CREBZF: variants seen among roughly 807,000 people sequenced by gnomAD.
The protein encoded by CREBZF is HCF-binding transcription factor Zhangfei.
In CREBZF, 8 loss-of-function variants were observed where a neutral mutation model predicts 21.1. The ratio of observed to expected loss-of-function variants is 0.38; its 90% CI spans 0.22 to 0.68. The LOEUF (loss-of-function observed/expected upper bound fraction) is 0.68. Among genes scored for constraint, CREBZF ranks in the 30% least tolerant of loss-of-function variants. The pLI, the probability that CREBZF is intolerant of heterozygous loss-of-function variation, is 0.51. For synonymous variants in CREBZF, 270 were observed against 223.3 expected, an observed-to-expected ratio of 1.21 and a Z score of -1.86; for missense variants, 518 against 484.3, an observed-to-expected ratio of 1.07 and a Z score of -0.65.
intron 1 of CREBZF, among the ~76,000 whole-genome samples, chr11:85,680,903 A>G (rs2082972551): frequency 6.6e-6 from 1 of 152,198 alleles, no homozygotes; most frequent in Admixed American, 6.5e-5. Context: ...TCCAATATCC[A>G]TCCTCCATCA....
intron 1 of CREBZF, among the ~76,000 whole-genome samples, chr11:85,677,908 G>T (rs1295893166): frequency 6.6e-6 from 1 of 152,122 alleles, no homozygotes; most frequent in African/African-American, 2.4e-5. Flanking sequence ...CTTTTATCTG[G>T]AATTATTCTG....
chr11:85,658,860 C>T lies in CREBZF; in HGVS notation c.*4951G>A, dbSNP rs189389620. Among the ~76,000 whole-genome samples the T allele has an allele frequency of 4.0e-4, 61 of 152,074 alleles. No homozygotes were observed. Among genetic ancestry groups the T allele is most frequent in the Admixed American group, 5.9e-4 (9 of 15,272 alleles). ...AACAGAACTACACAAATGTTTACAACACAGTAACTACACTTTTCAATTAGT... is the reference window on the plus strand; with the variant it reads ...AACAGAACTACACAAATGTTTACAATACAGTAACTACACTTTTCAATTAGT... On this transcript the variant is annotated 3_prime_UTR_variant, in exon 1 of 1. Transcript: ENST00000527447.
upstream of CREBZF, among the ~76,000 whole-genome samples, chr11:85,669,436 A>T (rs1591488423): frequency 6.7e-6 from 1 of 150,104 alleles, no homozygotes; most frequent in Admixed American, 6.6e-5. Flanking sequence ...ACACACACAC[A>T]CACTCACACA....
chr11:85,666,868 C>A (rs1268514480), upstream of CREBZF, among the ~76,000 whole-genome samples: 1 of 152,080 alleles, frequency 6.6e-6, no homozygotes, highest in African/African-American at 2.4e-5. Flanking sequence ...ACTCCTTGTC[C>A]TGCTTAACAT....
At chr11:85,681,346 T>C (rs2082975691) in intron 1 of CREBZF, among the ~76,000 whole-genome samples, 1 of 152,208 alleles carries the variant, frequency 6.6e-6, no homozygotes, top group South Asian at 2.1e-4. Flanking sequence ...CTTTAAATAA[T>C]TATTTAATAT....
chr11:85,681,733 C>T (rs1053852326), intron 1 of CREBZF, among the ~76,000 whole-genome samples: 1 of 152,176 alleles, frequency 6.6e-6, no homozygotes, highest in Non-Finnish European at 1.5e-5. Context: ...GTTTAAATTT[C>T]CCCTCAAAGG....
In CREBZF at chr11:85,664,780, G is replaced by A. The variant is rs61746267; in HGVS notation, c.96C>T (p.Pro32=). 7.6e-3 allele frequency: 12,026 copies of A among 1,589,908 alleles called. 66 individuals carry two copies. The highest frequency in any genetic ancestry group is 8.9e-3 in the Non-Finnish European group (10,456 of 1,172,020). ...SPEPAATCSL[P]SDLTRAAAGE... Reference sequence around the variant, plus strand: ...CCGCTGCAGCCCGGGTCAGGTCAGAGGGCAGCGAACAAGTTGCAGCCGGCT... The same window carrying A: ...CCGCTGCAGCCCGGGTCAGGTCAGAAGGCAGCGAACAAGTTGCAGCCGGCT... The change falls in exon 1 of 1, where the codon CCC becomes CCT. Residue 32 remains proline (P), a synonymous_variant. Coordinates refer to ENST00000527447, the MANE Select transcript of CREBZF (RefSeq NM_001039618.4). This position sits in a 1 kb window ranked among gnomAD's most constrained non-coding sequence, Gnocchi z 5.5.
chr11:85,658,679 T>C lies in CREBZF; in HGVS notation c.*5132A>G, dbSNP rs948890140. 6.6e-6 allele frequency among the ~76,000 whole-genome samples: 1 copy of C among 151,886 alleles called. No individual in the cohort carries two copies. Among genetic ancestry groups the C allele is most frequent in the Admixed American group, 6.6e-5 (1 of 15,256 alleles). On this transcript the variant is annotated 3_prime_UTR_variant, in exon 1 of 1. Transcript: ENST00000527447. ...AAAAAAAAGAGGGCTCACATTCTAT[T>C]TAAATTAAGACAATATATTTTATAA...
chr11:85,673,912 A>G (rs2082927997), intron 1 of CREBZF, among the ~76,000 whole-genome samples: 1 of 152,244 alleles, frequency 6.6e-6, no homozygotes, highest in Non-Finnish European at 1.5e-5. Flanking sequence ...TATCCATAAG[A>G]AGAAATTCCT....
intron 1 of CREBZF, among the ~76,000 whole-genome samples, chr11:85,672,903 C>A (rs1489729343): frequency 6.6e-6 from 1 of 152,158 alleles, no homozygotes; most frequent in African/African-American, 2.4e-5. Context: ...GGGCTGGCTA[C>A]CACATCCTAT....
chr11:85,667,829 G>A (rs1032333138), upstream of CREBZF, among the ~76,000 whole-genome samples: 1 of 152,116 alleles, frequency 6.6e-6, no homozygotes, highest in Non-Finnish European at 1.5e-5. Flanking sequence ...AATTAGCCAG[G>A]TATGGTGGCA....
rs188846430 is a variant in CREBZF, at chr11:85,663,798, A to G, written c.*13T>C. 8.8e-6 allele frequency: 14 copies of G among 1,587,964 alleles called. No individual in the cohort carries two copies. The Admixed American group carries it at 1.4e-4, about 16-fold the overall frequency. ...AAAGGGGTAAACGCGGATAAAGAGC[A>G]GATTACTTGACCCTACATTTTAAGA... On this transcript the variant is annotated 3_prime_UTR_variant, in exon 1 of 1. Transcript: ENST00000527447.
Position 85,676,215 on chromosome 11 carries a change from G to A in CREBZF, n.147+6502C>T, listed in dbSNP as rs187634318. On this transcript the variant is annotated intron_variant and non_coding_transcript_variant, in intron 1 of 3. Coordinates refer to the CREBZF transcript ENST00000531515. ...GGAAAGGGAGCAGGCATAGAAGTTT[G>A]AGCATGAAAGATTTGGAAGGGTAGG... Among the ~76,000 whole-genome samples, 319 of 152,258 alleles carry A rather than the reference G, an allele frequency of 2.1e-3. 4 individuals carry two copies. The highest frequency in any genetic ancestry group is 3.3e-3 in the East Asian group (17 of 5,172).
rs1352375228 is a variant in CREBZF at position 85,663,490 on chromosome 11, A to C, written c.*321T>G. 10 of 826,370 alleles carry C rather than the reference A, an allele frequency of 1.2e-5. No individual in the cohort carries two copies. The highest frequency in any genetic ancestry group is 1.9e-5 in the Non-Finnish European group (9 of 485,138). 51.2% of individuals were successfully genotyped at this position (826,370 alleles called of 1,614,324 possible). ...CCCATTAAAGTAGACAAAGCAGCAG[A>C]GCATGAGCGTTACGGGAAGAGATGG... On this transcript the variant is annotated 3_prime_UTR_variant, in exon 1 of 1. Coordinates refer to ENST00000527447, the MANE Select transcript of CREBZF (RefSeq NM_001039618.4).
chr11:85,673,599 G>C (rs895105249), intron 1 of CREBZF, among the ~76,000 whole-genome samples: 1 of 152,208 alleles, frequency 6.6e-6, no homozygotes, highest in African/African-American at 2.4e-5. Flanking sequence ...GACTCATTAA[G>C]GTAGTGGTTG....
chr11:85,669,036 A>AAAAAAAAAAAAC, upstream of CREBZF, among the ~76,000 whole-genome samples: 1 of 129,288 alleles, frequency 7.7e-6, no homozygotes, highest in Non-Finnish European at 1.6e-5. Flanking sequence ...AAAAAAAAAA[A>AAAAAAAAAAAAC]AAAAAGAAAC....
rs1440181391 is a variant in CREBZF, at chr11:85,661,927, T to C, written c.*1884A>G. On this transcript the variant is annotated 3_prime_UTR_variant, in exon 1 of 1. Transcript: ENST00000527447. ...ATTTCATAAAGATAGCACAAATTAG[T>C]CATTTCAAATAATCTTTCCAACTAC... is the stretch of plus-strand genomic sequence containing the variant. The C allele has an allele frequency of 6.6e-6, 1 of 150,594 alleles. No individual in the cohort carries two copies. The highest frequency in any genetic ancestry group is 2.4e-5 in the African/African-American group (1 of 41,042). The allele number at this position is 150,594 out of a possible 1,614,324, so 9.3% of individuals were successfully genotyped here.
At chr11:85,668,778 G>A (rs576006633), upstream of CREBZF, among the ~76,000 whole-genome samples, 6 of 151,354 alleles carry the variant, frequency 4.0e-5, no homozygotes, top group East Asian at 1.9e-4. Flanking sequence ...CGAGGCGGGC[G>A]GATCACGAGG....
intron 1 of CREBZF, among the ~76,000 whole-genome samples, chr11:85,671,058 T>G (rs1398404886): frequency 2.6e-5 from 4 of 152,142 alleles, no homozygotes; most frequent in Non-Finnish European, 5.9e-5. Flanking sequence ...TGCTCAACAC[T>G]GGGTAATTTA....
Sources: gnomAD v4.1 joint callset for allele counts (sites outside exome capture counted in the v4.1 genomes callset) on GRCh38, gnomAD v4.1.1 for gene constraint, Gnocchi (gnomAD v3.1) non-coding constraint, MANE v1.5 for transcripts, NCBI Gene and HGNC (gene_info 2026-07-23, HGNC 2026-07-21) for gene names.